The following ADAM12 variants were observed in gnomAD, a reference collection of about 807,000 sequenced individuals.
The protein encoded by ADAM12 is disintegrin and metalloproteinase domain-containing protein 12.
ADAM12 carries 70 observed loss-of-function variants against 106.4 expected under a neutral mutation model. The observed-to-expected ratio is 0.66, with a 90% CI of 0.54 to 0.80. ADAM12 has a LOEUF of 0.80. Ranked by LOEUF, ADAM12 falls within the 30% of genes least tolerant of loss-of-function variation. ADAM12 has a pLI of 0.00. For missense variants in ADAM12, 1,010 were observed against 1,171.9 expected, an observed-to-expected ratio of 0.86 and a Z score of 2.02; for synonymous variants, 420 against 433.5, an observed-to-expected ratio of 0.97 and a Z score of 0.39.
intron 3 of ADAM12, among the ~76,000 whole-genome samples, chr10:126,242,645 G>A (rs1295426526): frequency 6.6e-6 from 1 of 152,170 alleles, no homozygotes; most frequent in Non-Finnish European, 1.5e-5. Flanking sequence ...TTTTAATGAA[G>A]ACCAATTGTG....
chr10:126,139,475 G>A lies in ADAM12; in HGVS notation c.340-3815C>T, dbSNP rs193165084. ...TCTTATCAGTTTATCAGTTTGTAGC[G>A]TATCTTTTTTCTATGTTGCTGATTA... On this transcript the variant is annotated intron_variant, in intron 4 of 22. Transcript: ENST00000448723. Among the ~76,000 whole-genome samples, 65 of 152,194 alleles carry A rather than the reference G, an allele frequency of 4.3e-4. No individual in the cohort carries two copies. The South Asian group carries it at 4.8e-3, about 11-fold the overall frequency.
intron 11 of ADAM12, among the ~76,000 whole-genome samples, chr10:126,077,002 T>A (rs1169033917): frequency 6.6e-6 from 1 of 152,158 alleles, no homozygotes; most frequent in Non-Finnish European, 1.5e-5. Context: ...ACATAGAAAA[T>A]GCTAAAAATT....
At chr10:126,236,277 T>C (rs955357202) in intron 3 of ADAM12, among the ~76,000 whole-genome samples, 1 of 152,102 alleles carries the variant, frequency 6.6e-6, no homozygotes, top group Non-Finnish European at 1.5e-5. Flanking sequence ...GGGGGAAGGC[T>C]GGGGCAGACC....
chr10:126,197,577 A>G (rs1176524441), intron 3 of ADAM12, among the ~76,000 whole-genome samples: 2 of 152,184 alleles, frequency 1.3e-5, no homozygotes, highest in Non-Finnish European at 2.9e-5. Flanking sequence ...GAAGTCAGGG[A>G]ATTTCTCATT....
At chr10:126,191,146 C>T (rs1266849991) in intron 3 of ADAM12, among the ~76,000 whole-genome samples, 3 of 151,590 alleles carry the variant, frequency 2.0e-5, no homozygotes, top group Non-Finnish European at 2.9e-5. Flanking sequence ...GGATTACAGG[C>T]GCCTGCCACC....
chr10:126,134,104 G>A lies in ADAM12; in HGVS notation c.416+1480C>T, dbSNP rs149062880. On this transcript the variant is annotated intron_variant, in intron 5 of 22. Transcript: ENST00000448723. ...AGCACTCAAGGAATGTTTTCTGAAC[G>A]AATGAATAACTGAAGAGAAGCAAAT... Among the ~76,000 whole-genome samples the A allele has an allele frequency of 1.1e-4, 16 of 152,330 alleles. No individual in the cohort carries two copies. In the East Asian group the frequency reaches 2.7e-3, roughly 26 times the overall value.
chr10:126,082,387 T>TTTTC (rs1427154316), intron 11 of ADAM12, among the ~76,000 whole-genome samples: 2 of 148,226 alleles, frequency 1.3e-5, no homozygotes, highest in Non-Finnish European at 3.0e-5. Context: ...TTTTTTTTTT[T>TTTTC]ATGTGGAGTT....
chr10:126,303,045 C>A (rs1009558002), intron 2 of ADAM12, among the ~76,000 whole-genome samples: 1 of 152,162 alleles, frequency 6.6e-6, no homozygotes, highest in Non-Finnish European at 1.5e-5. Context: ...AGGACACTGA[C>A]ACCCAGAGGA....
chr10:126,317,720 T>TA (rs749842397), intron 2 of ADAM12, among the ~76,000 whole-genome samples: 1 of 152,200 alleles, frequency 6.6e-6, no homozygotes, highest in Non-Finnish European at 1.5e-5. Flanking sequence ...GGTACATCCA[T>TA]AAAGAGCCAA....
At chr10:126,371,166 C>T (rs1425355190) in intron 1 of ADAM12, among the ~76,000 whole-genome samples, 1 of 152,182 alleles carries the variant, frequency 6.6e-6, no homozygotes, top group East Asian at 1.9e-4. Flanking sequence ...GGTCATAGTG[C>T]CTGCCTCCCA....
chr10:126,018,024 A>G (rs752981357), intron 22 of ADAM12, among the ~76,000 whole-genome samples: 1 of 152,250 alleles, frequency 6.6e-6, no homozygotes, highest in Non-Finnish European at 1.5e-5. Flanking sequence ...TTAGGATGCT[A>G]TGCAATTTTT....
intron 4 of ADAM12, 94 bp downstream of exon 4, chr10:126,155,133 G>A: frequency 7.3e-7 from 1 of 1,360,972 alleles, no homozygotes; most frequent in Non-Finnish European, 1.0e-6. Context: ...TTAAGAATCT[G>A]GGCATGTGAT....
intron 3 of ADAM12, among the ~76,000 whole-genome samples, chr10:126,189,494 C>A (rs997008240): frequency 1.3e-5 from 2 of 152,182 alleles, no homozygotes; most frequent in African/African-American, 4.8e-5. Flanking sequence ...ACAAGTACGG[C>A]TGCTCTACTC....
intron 3 of ADAM12, among the ~76,000 whole-genome samples, chr10:126,247,788 G>C (rs1428921574): frequency 1.3e-5 from 2 of 152,144 alleles, no homozygotes; most frequent in Non-Finnish European, 2.9e-5. Context: ...GCAACAAACA[G>C]ATAATACAGT....
In ADAM12 at chr10:126,118,148, G is replaced by A; in HGVS notation, c.493C>T (p.Pro165Ser). ...CGGACGCTTTTCAGCTTCTTCGCTG[G>A]GAAGAGTTTGTATCTGTTGGTTGCA... ...KSATNRYKLFPAKKLKSVRGS... is the reference protein window; with the variant it reads ...KSATNRYKLFSAKKLKSVRGS... Residue 165 changes from proline to serine, a missense_variant, in exon 6 of 23, where the codon CCA becomes TCA. Pro to Ser is a moderately conservative substitution (Grantham distance 74). This residue lies in a region of ADAM12 where 391 missense variants were observed against 442.9 expected (regional missense o/e 0.88). Coordinates refer to ENST00000448723, the MANE Select transcript of ADAM12 (RefSeq NM_001288973.2). The A allele has an allele frequency of 6.2e-7, 1 of 1,613,984 alleles. No individual in the cohort carries two copies. The highest frequency in any genetic ancestry group is 8.5e-7 in the Non-Finnish European group (1 of 1,179,892).
At chr10:126,082,201 G>A (rs1955232400) in intron 11 of ADAM12, among the ~76,000 whole-genome samples, 1 of 152,112 alleles carries the variant, frequency 6.6e-6, no homozygotes, top group Non-Finnish European at 1.5e-5. Flanking sequence ...TTCTGTTCCT[G>A]AAAGCTTTTT....
chr10:126,350,712 G>T (rs1855320771), intron 1 of ADAM12, among the ~76,000 whole-genome samples: 1 of 152,214 alleles, frequency 6.6e-6, no homozygotes, highest in Admixed American at 6.5e-5. Flanking sequence ...CCTCACATCG[G>T]TGCACAGGAA....
chr10:126,169,555 T>C (rs1957082370), intron 3 of ADAM12, among the ~76,000 whole-genome samples: 1 of 152,188 alleles, frequency 6.6e-6, no homozygotes, highest in Non-Finnish European at 1.5e-5. Context: ...GACTTGCTGC[T>C]ATTTTAGGAT....
At chr10:126,226,185 G>A (rs1488455358) in intron 3 of ADAM12, among the ~76,000 whole-genome samples, 2 of 149,988 alleles carry the variant, frequency 1.3e-5, no homozygotes, top group East Asian at 4.0e-4. Context: ...GGGAAAGGTG[G>A]TGGTGGGGGG....
Sources: allele counts gnomAD v4.1 joint callset (sites outside exome capture counted in the v4.1 genomes callset), GRCh38; gene constraint gnomAD v4.1.1; regional missense constraint gnomAD v4.1.1; transcripts MANE v1.5; gene names NCBI Gene and HGNC (gene_info 2026-07-23, HGNC 2026-07-21).